The following ALDH1L2 variants were observed in gnomAD, a reference collection of about 807,000 sequenced individuals.
ALDH1L2 encodes the protein aldehyde dehydrogenase 1 family member L2.
ALDH1L2 carries 91 observed loss-of-function variants against 111.0 expected under a neutral mutation model. That is an observed-to-expected ratio of 0.82 (90% CI 0.69 to 0.98). ALDH1L2 has a LOEUF of 0.98. ALDH1L2 is among the 50% of genes least tolerant of loss of function. The probability of loss-of-function intolerance (pLI) is 0.00; values close to 1 mark genes in which losing one functional copy is unlikely to be tolerated. For missense variants in ALDH1L2, 995 were observed against 1,126.8 expected, an observed-to-expected ratio of 0.88 and a Z score of 1.67; for synonymous variants, 374 against 392.6, an observed-to-expected ratio of 0.95 and a Z score of 0.56.
chr12:105,035,122 C>G (rs1174258895), intron 18 of ALDH1L2, among the ~76,000 whole-genome samples: 1 of 152,096 alleles, frequency 6.6e-6, no homozygotes, highest in African/African-American at 2.4e-5. Context: ...CTAATTTTTT[C>G]TATTTTTATT....
At chr12:105,049,878 T>C (rs1288299907) in intron 13 of ALDH1L2, 30 bp downstream of exon 13, 3 of 1,589,806 alleles carry the variant, frequency 1.9e-6, no homozygotes, top group Non-Finnish European at 2.6e-6. Context: ...AGTCCCTTTT[T>C]CTTTCAGAAC....
chr12:105,027,588 C>T lies in ALDH1L2; in HGVS notation c.2517-844G>A, dbSNP rs1302490752. On this transcript the variant is annotated intron_variant, in intron 21 of 22. Coordinates refer to ENST00000258494, the MANE Select transcript of ALDH1L2 (RefSeq NM_001034173.4). The stretch of plus-strand genomic sequence containing the variant: ...CTCCCCTCGCCTTCATTTATTATTG[C>T]GAACCATGGAAATAATAATAAAAGG... 5.3e-5 allele frequency among the ~76,000 whole-genome samples: 8 copies of T among 152,150 alleles called. No individual in the cohort carries two copies. The East Asian group carries it at 7.7e-4, about 15-fold the overall frequency.
At chr12:105,050,814 T>C (rs772899870) in intron 12 of ALDH1L2, 25 of 333,854 alleles carry the variant, frequency 7.5e-5, no homozygotes, top group South Asian at 1.9e-4. Flanking sequence ...ATGAGACTTA[T>C]ATACTTTCAT....
At position 105,031,839 on chromosome 12, in the gene ALDH1L2, C is replaced by T. The variant is rs1342288005; in HGVS notation, c.2340G>A (p.Leu780=). The T allele has an allele frequency of 6.2e-7, 1 of 1,614,098 alleles. No homozygotes were observed. The highest frequency in any genetic ancestry group is 8.5e-7 in the Non-Finnish European group (1 of 1,180,048). The change falls in exon 20 of 23, where the codon CTG becomes CTA. Residue 780 remains leucine (L), a synonymous_variant. Transcript: ENST00000258494. The part of the protein sequence containing the change: ...QNHKAHLEKL[L]QYCETGVKEG... ...CTTTCACTCCAGTTTCACAGTATTG[C>T]AGCAGCTTTTCCAGATGAGCCTTAT...
chr12:105,062,962 C>A lies in ALDH1L2; in HGVS notation c.847G>T (p.Glu283Ter). The A allele has an allele frequency of 1.2e-6, 2 of 1,614,122 alleles. No homozygotes were observed. Among genetic ancestry groups the A allele is most frequent in the Non-Finnish European group, 1.7e-6 (2 of 1,180,028 alleles). Residue 283 changes from glutamate to a stop codon, truncating the protein, a stop_gained, in exon 7 of 23, where the codon GAA becomes TAA. Transcript: ENST00000258494. LOFTEE classifies it high-confidence loss of function. The stretch of plus-strand genomic sequence containing the variant: ...CCAGGCTTCTTGGCACCTTTAATTT[C>A]CAGTGGTTCTCCAGGAGGCACAGAG... ...NSSVPPGEPL[E>*]IKGAKKPGLV...
intron 1 of ALDH1L2, among the ~76,000 whole-genome samples, chr12:105,082,417 A>C (rs1309627359): frequency 6.6e-6 from 1 of 152,036 alleles, no homozygotes; most frequent in East Asian, 1.9e-4. Flanking sequence ...CTATAGTTTT[A>C]CTCTTCCAAA....
At chr12:105,042,470 T>C (rs1215954908) in intron 15 of ALDH1L2, among the ~76,000 whole-genome samples, 1 of 152,226 alleles carries the variant, frequency 6.6e-6, no homozygotes, top group Non-Finnish European at 1.5e-5. Flanking sequence ...TAGTCAAAAG[T>C]GACTTGGGTT....
chr12:105,020,987 C>G lies in ALDH1L2; in HGVS notation c.*3437G>C, dbSNP rs1221458004. 1 of 152,196 alleles carries G rather than the reference C, an allele frequency of 6.6e-6. No homozygotes were observed. The highest frequency in any genetic ancestry group is 2.4e-5 in the African/African-American group (1 of 41,446). The allele number at this position is 152,196 out of a possible 1,614,324, so 9.4% of individuals were successfully genotyped here. On this transcript the variant is annotated 3_prime_UTR_variant, in exon 23 of 23. Transcript: ENST00000258494. ...GAGAACTATTTGTTAAATATTTTAC[C>G]AGCACACCCCTGGGAAGAGGAAGAA...
Position 105,052,933 on chromosome 12 carries a change from TGAGA to T in ALDH1L2, c.1288-6_1288-3del. On this transcript the variant is annotated splice_polypyrimidine_tract_variant and splice_region_variant and intron_variant, in intron 10 of 22. Coordinates refer to ENST00000258494, the MANE Select transcript of ALDH1L2 (RefSeq NM_001034173.4). ...GATTTCATTGACCTCCTTTGAAATC[TGAGA>T]GAAGTATATTAATAGATTCAATGGA... 1 of 1,613,356 alleles carries T rather than the reference TGAGA, an allele frequency of 6.2e-7. No individual in the cohort carries two copies. The highest frequency in any genetic ancestry group is 8.5e-7 in the Non-Finnish European group (1 of 1,179,362).
At chr12:105,063,490 AG>A (rs1877139223) in intron 6 of ALDH1L2, among the ~76,000 whole-genome samples, 1 of 148,792 alleles carries the variant, frequency 6.7e-6, no homozygotes, top group South Asian at 2.1e-4. Context: ...AAAAAAAAAA[AG>A]AAAGAAAGAA....
At chr12:105,041,653 A>G (rs1875540833) in intron 15 of ALDH1L2, among the ~76,000 whole-genome samples, 2 of 152,206 alleles carry the variant, frequency 1.3e-5, no homozygotes, top group Non-Finnish European at 2.9e-5. Context: ...GTGATTTTCC[A>G]ATTCCCTCAT....
At chr12:105,034,230 C>A in intron 19 of ALDH1L2, 70 bp downstream of exon 19, 1 of 1,448,162 alleles carries the variant, frequency 6.9e-7, no homozygotes, top group Admixed American at 1.9e-5. Flanking sequence ...ATGAACAATC[C>A]TAGAAGTAGG....
intron 15 of ALDH1L2, among the ~76,000 whole-genome samples, chr12:105,045,077 AGTTT>A (rs373433146): frequency 2.9e-4 from 44 of 150,666 alleles, no homozygotes; most frequent in African/African-American, 9.9e-4. Flanking sequence ...ACATGATTGA[AGTTT>A]GTTTGTTTGT....
chr12:105,050,137 G>A (rs1271500548), intron 12 of ALDH1L2, 79 bp from the exon 13 acceptor site: 12 of 1,348,586 alleles, frequency 8.9e-6, no homozygotes, highest in African/African-American at 1.5e-5. Context: ...TCCTAAGGAC[G>A]GAGAATTCAG....
At chr12:105,044,797 AAGG>A (rs1487460362) in intron 15 of ALDH1L2, among the ~76,000 whole-genome samples, 1 of 152,010 alleles carries the variant, frequency 6.6e-6, no homozygotes, top group East Asian at 1.9e-4. Context: ...TATACAGCAA[AAGG>A]AGAAAAAATC....
chr12:105,052,727 C>T (rs1876364401), intron 11 of ALDH1L2, 85 bp downstream of exon 11: 4 of 1,524,114 alleles, frequency 2.6e-6, no homozygotes, highest in African/African-American at 1.4e-5. Context: ...AATAAAAGGG[C>T]TTCTTAAGAC....
rs770656829 is a variant in ALDH1L2, at chr12:105,050,020, G to A, written c.1574C>T (p.Ala525Val). Residue 525 changes from alanine (A) to valine (V), a missense_variant, in exon 13 of 23, where the codon GCA (alanine) becomes GTA (valine). Physicochemically the swap from Ala to Val is moderately conservative, Grantham distance 64. Coordinates refer to ENST00000258494, the MANE Select transcript of ALDH1L2 (RefSeq NM_001034173.4). ...CCCTGAATCAAGGGCTTCAATAGTT[G>A]CCAGCTCTTCTTGGTTCTCTTCCAG... The part of the protein sequence containing the change: ...DLLEENQEEL[A>V]TIEALDSGAV... 1.9e-6 allele frequency: 3 copies of A among 1,607,486 alleles called. No individual in the cohort carries two copies. The highest frequency in any genetic ancestry group is 2.5e-6 in the Non-Finnish European group (3 of 1,176,614).
intron 11 of ALDH1L2, among the ~76,000 whole-genome samples, 200 bp from the exon 12 acceptor site, chr12:105,052,417 C>T (rs1404083003): frequency 1.3e-5 from 2 of 152,110 alleles, no homozygotes; most frequent in African/African-American, 4.8e-5. Context: ...TAGTACTTCT[C>T]ATATCATACT....
At chr12:105,056,869 C>CA (rs772556590) in intron 10 of ALDH1L2, among the ~76,000 whole-genome samples, 1 of 150,854 alleles carries the variant, frequency 6.6e-6, no homozygotes, top group Non-Finnish European at 1.5e-5. Context: ...AAAAAGGTGT[C>CA]AGACAAGACA....
Sources: allele counts gnomAD v4.1 joint callset (sites outside exome capture counted in the v4.1 genomes callset), GRCh38; gene constraint gnomAD v4.1.1; transcripts MANE v1.5; gene names NCBI Gene and HGNC (gene_info 2026-07-23, HGNC 2026-07-21).